Variants in CCDC60 observed in about 807,000 individuals in gnomAD.
CCDC60 encodes coiled-coil domain-containing protein 60.
A neutral mutation model predicts 63.5 loss-of-function variants in CCDC60; 54 were observed. The observed-to-expected ratio is 0.85, with a 90% CI of 0.68 to 1.07. The LOEUF (loss-of-function observed/expected upper bound fraction) is 1.07. Ranked by LOEUF, CCDC60 falls within the 50% of genes least tolerant of loss-of-function variation. CCDC60 has a pLI of 0.00. For synonymous variants in CCDC60, 206 were observed against 238.8 expected (o/e 0.86, Z 1.27); for missense variants, 651 against 684.3 (o/e 0.95, Z 0.54).
chr12:119,435,167 A>G (rs1173782197), intron 2 of CCDC60, among the ~76,000 whole-genome samples: 1 of 152,192 alleles, frequency 6.6e-6, no homozygotes, highest in African/African-American at 2.4e-5. Flanking sequence ...CTCTCACACT[A>G]GCATGTGAGC....
At chr12:119,419,461 T>TCAGCATCA (rs1253677389) in intron 1 of CCDC60, among the ~76,000 whole-genome samples, 1 of 152,244 alleles carries the variant, frequency 6.6e-6, no homozygotes, top group Non-Finnish European at 1.5e-5. Flanking sequence ...TAAGAGTTTG[T>TCAGCATCA]CCTGTCATTG....
At position 119,479,158 on chromosome 12, in the gene CCDC60, A is replaced by G. The variant is rs750051553; in HGVS notation, c.406A>G (p.Ile136Val). 9 of 1,613,932 alleles carry G rather than the reference A, an allele frequency of 5.6e-6. No individual in the cohort carries two copies. The East Asian group carries it at 2.0e-4, about 36-fold the overall frequency. ...AGTCACACGTCGCCCATTCACTCCCATCCACAGCTGCATCATTTCTCCCTC... is the reference window on the plus strand; with the variant it reads ...AGTCACACGTCGCCCATTCACTCCCGTCCACAGCTGCATCATTTCTCCCTC... ...ARVTRRPFTP[I>V]HSCIISPSLT... Residue 136 changes from isoleucine (I) to valine (V), a missense_variant, in exon 4 of 14, where the codon ATC (isoleucine) becomes GTC (valine). Ile to Val is a conservative substitution (Grantham distance 29, BLOSUM62 3). Transcript: ENST00000327554.
intron 1 of CCDC60, among the ~76,000 whole-genome samples, chr12:119,351,477 C>G (rs1397980217): frequency 6.6e-6 from 1 of 152,196 alleles, no homozygotes; most frequent in Non-Finnish European, 1.5e-5. Flanking sequence ...ATGGCAGCAT[C>G]TACTTCTGGA....
chr12:119,421,046 G>A (rs4488260), intron 1 of CCDC60, among the ~76,000 whole-genome samples: 1 of 149,498 alleles, frequency 6.7e-6, no homozygotes, highest in Admixed American at 6.6e-5. Flanking sequence ...TCCCTTCCCC[G>A]CTCACCCCTC....
intron 9 of CCDC60, 23 bp downstream of exon 9, chr12:119,520,215 G>C (rs1465054192): frequency 1.9e-6 from 3 of 1,608,480 alleles, no homozygotes; most frequent in Non-Finnish European, 2.6e-6. Flanking sequence ...GGAGCCTGCA[G>C]CAGGTGCCTC....
intron 1 of CCDC60, among the ~76,000 whole-genome samples, chr12:119,384,561 G>A (rs1172713983): frequency 6.6e-6 from 1 of 152,192 alleles, no homozygotes; most frequent in African/African-American, 2.4e-5. Context: ...CAGGGAGCCG[G>A]AGCTGGGAGA....
chr12:119,443,416 T>A (rs990085307), intron 2 of CCDC60, among the ~76,000 whole-genome samples: 11 of 152,196 alleles, frequency 7.2e-5, no homozygotes, highest in East Asian at 1.9e-4. Flanking sequence ...GCCAGAAATC[T>A]CACAAGCTCA....
chr12:119,334,984 T>C lies in CCDC60; in HGVS notation c.-193T>C. 2.0e-6 allele frequency: 1 copy of C among 508,854 alleles called. No individual in the cohort carries two copies. The highest frequency in any genetic ancestry group is 3.7e-5 in the Admixed American group (1 of 26,794). 31.5% of individuals were successfully genotyped at this position (508,854 alleles called of 1,614,324 possible). ...TGATTCTGCCCTACCCGGACTTCCTTATCCCGTCTGTGGGAGACCCAGGTG... is the reference window on the plus strand; with the variant it reads ...TGATTCTGCCCTACCCGGACTTCCTCATCCCGTCTGTGGGAGACCCAGGTG... On this transcript the variant is annotated 5_prime_UTR_variant, in exon 1 of 14. Coordinates refer to ENST00000327554, the MANE Select transcript of CCDC60 (RefSeq NM_178499.5).
chr12:119,474,954 G>A (rs928348509), intron 3 of CCDC60, among the ~76,000 whole-genome samples: 2 of 152,216 alleles, frequency 1.3e-5, no homozygotes, highest in Non-Finnish European at 1.5e-5. Flanking sequence ...TTAAAGCCCA[G>A]GGTTCCAGGT....
intron 4 of CCDC60, among the ~76,000 whole-genome samples, chr12:119,485,782 T>C (rs1311489429): frequency 6.6e-6 from 1 of 152,178 alleles, no homozygotes; most frequent in Non-Finnish European, 1.5e-5. Flanking sequence ...ATGAATCTGG[T>C]ATGTCCACAA....
rs185068264 is a variant in CCDC60, at chr12:119,491,397, C to T, written c.557+2531C>T. 3.0e-3 allele frequency among the ~76,000 whole-genome samples: 456 copies of T among 152,232 alleles called. 3 individuals are homozygous for T. Among genetic ancestry groups the T allele is most frequent in the African/African-American group, 0.01 (432 of 41,538 alleles). On this transcript the variant is annotated intron_variant, in intron 5 of 13. Coordinates refer to ENST00000327554, the MANE Select transcript of CCDC60 (RefSeq NM_178499.5). ...AGGCTGGAGTACAATGGCGCGATCT[C>T]GGCTCACTGCAACCTCCGCCTCCTG...
chr12:119,540,932 C>G lies in CCDC60; in HGVS notation c.*217C>G, dbSNP rs796421589. ...CTCAATTCCACACCCCAGACCCAAC[C>G]TACCAGTCTCTGTTCTTCAATGATC... On this transcript the variant is annotated 3_prime_UTR_variant, in exon 14 of 14. Coordinates refer to ENST00000327554, the MANE Select transcript of CCDC60 (RefSeq NM_178499.5). 5 of 471,268 alleles carry G rather than the reference C, an allele frequency of 1.1e-5. No homozygotes were observed. The highest frequency in any genetic ancestry group is 1.0e-4 in the African/African-American group (5 of 50,050). 29.2% of individuals were successfully genotyped at this position (471,268 alleles called of 1,614,324 possible). A position where few individuals can be genotyped will look rare whatever the true frequency, so the allele number is the denominator to read the frequency against.
chr12:119,526,656 T>C (rs1952686057), intron 11 of CCDC60, among the ~76,000 whole-genome samples: 1 of 152,034 alleles, frequency 6.6e-6, no homozygotes, highest in Non-Finnish European at 1.5e-5. Flanking sequence ...AAGCATATTT[T>C]AAAAAGCTCA....
chr12:119,498,592 C>T (rs1319714187), intron 5 of CCDC60, among the ~76,000 whole-genome samples: 1 of 152,176 alleles, frequency 6.6e-6, no homozygotes, highest in Non-Finnish European at 1.5e-5. Flanking sequence ...CTGCCTTGGC[C>T]TCCCAAAGTG....
intron 1 of CCDC60, among the ~76,000 whole-genome samples, chr12:119,424,565 T>C (rs2136225463): frequency 6.6e-6 from 1 of 152,362 alleles, no homozygotes; most frequent in East Asian, 1.9e-4. Flanking sequence ...GTCACACATA[T>C]GTCTAAATTG....
intron 11 of CCDC60, among the ~76,000 whole-genome samples, chr12:119,527,331 G>C (rs530036541): frequency 5.8e-4 from 89 of 152,244 alleles, no homozygotes; most frequent in African/African-American, 1.8e-3. Context: ...TAATACCTGG[G>C]TGATGTAGTA....
intron 4 of CCDC60, among the ~76,000 whole-genome samples, chr12:119,481,900 A>G (rs1169837495): frequency 3.3e-5 from 5 of 150,618 alleles, no homozygotes; most frequent in Non-Finnish European, 5.9e-5. Context: ...ATAGTCTTCA[A>G]CCTCATCCAA....
intron 1 of CCDC60, among the ~76,000 whole-genome samples, chr12:119,346,832 C>CTTTCTTTCTT (rs1555230529): frequency 3.3e-5 from 3 of 91,062 alleles, no homozygotes; most frequent in Admixed American, 1.1e-4. Flanking sequence ...TTCTTTCTTT[C>CTTTCTTTCTT]TTTTTTTTTT....
chr12:119,371,006 T>C (rs1177142950), intron 1 of CCDC60, among the ~76,000 whole-genome samples: 1 of 152,156 alleles, frequency 6.6e-6, no homozygotes, highest in East Asian at 1.9e-4. Context: ...CACTCCAGCC[T>C]GGGTGACAAA....
Sources: gnomAD v4.1 joint callset for allele counts (sites outside exome capture counted in the v4.1 genomes callset) on GRCh38, gnomAD v4.1.1 for gene constraint, MANE v1.5 for transcripts, NCBI Gene and HGNC (gene_info 2026-07-23, HGNC 2026-07-21) for gene names.